KCNIP4: variants seen among roughly 807,000 people sequenced by gnomAD.
KCNIP4 encodes the protein Kv channel-interacting protein 4.
KCNIP4 carries 12 observed loss-of-function variants against 34.0 expected under a neutral mutation model. That is an observed-to-expected ratio of 0.35 (90% CI 0.23 to 0.57). The LOEUF (loss-of-function observed/expected upper bound fraction) is 0.57. Among genes scored for constraint, KCNIP4 ranks in the 20% least tolerant of loss-of-function variants. KCNIP4 has a pLI of 0.83. For synonymous variants in KCNIP4, 124 were observed against 102.2 expected, an observed-to-expected ratio of 1.21 and a Z score of -1.29; for missense variants, 238 against 311.7, an observed-to-expected ratio of 0.76 and a Z score of 1.78.
intron 1 of KCNIP4, among the ~76,000 whole-genome samples, chr4:20,884,307 T>C (rs1404395785): frequency 1.3e-5 from 2 of 152,166 alleles, no homozygotes; most frequent in African/African-American, 4.8e-5. Context: ...TTCCTGCACC[T>C]ATCAGCCCAT....
Position 21,604,737 on chromosome 4 carries a change from G to T in KCNIP4, c.61+343834C>A, listed in dbSNP as rs1003757806. Reference sequence around the variant, plus strand: ...GATGCTATTTGTCTGAAGAAGTTAGGATGAGATTTGATATCCTTTTTTTGG... The same window carrying T: ...GATGCTATTTGTCTGAAGAAGTTAGTATGAGATTTGATATCCTTTTTTTGG... On this transcript the variant is annotated intron_variant, in intron 1 of 8. Coordinates refer to ENST00000382152, the MANE Select transcript of KCNIP4 (RefSeq NM_025221.6). Among the ~76,000 whole-genome samples the T allele has an allele frequency of 2.0e-5, 3 of 152,166 alleles. No individual in the cohort carries two copies. In the East Asian group the frequency reaches 5.8e-4, roughly 29 times the overall value.
chr4:21,400,136 C>T (rs1455885455), intron 1 of KCNIP4, among the ~76,000 whole-genome samples: 1 of 152,172 alleles, frequency 6.6e-6, no homozygotes, highest in Non-Finnish European at 1.5e-5. Context: ...GCCTCTATGT[C>T]AATCATGACC....
intron 1 of KCNIP4, chr4:21,697,253 CAA>C: frequency 7.6e-7 from 1 of 1,318,564 alleles, no homozygotes; most frequent in Non-Finnish European, 9.6e-7. Flanking sequence ...AAAATAATCA[CAA>C]CAAAGAAATA....
At chr4:21,424,785 C>A (rs1725799613) in intron 1 of KCNIP4, among the ~76,000 whole-genome samples, 1 of 152,146 alleles carries the variant, frequency 6.6e-6, no homozygotes, top group Non-Finnish European at 1.5e-5. Context: ...TTATCCATTT[C>A]TCCACTATTA....
chr4:21,096,372 C>T (rs1474382950), intron 1 of KCNIP4, among the ~76,000 whole-genome samples: 1 of 152,150 alleles, frequency 6.6e-6, no homozygotes, highest in Admixed American at 6.6e-5. Flanking sequence ...TCACTTGCAG[C>T]TGTTTACATT....
At chr4:21,863,708 G>A (rs1725246142) in intron 1 of KCNIP4, among the ~76,000 whole-genome samples, 1 of 152,120 alleles carries the variant, frequency 6.6e-6, no homozygotes, top group East Asian at 1.9e-4. Flanking sequence ...AGAAAAAAGG[G>A]AAAAAGAACC....
chr4:21,498,902 C>T (rs1461901995), intron 1 of KCNIP4, among the ~76,000 whole-genome samples: 2 of 152,158 alleles, frequency 1.3e-5, no homozygotes, highest in Non-Finnish European at 2.9e-5. Context: ...AAAAAACCCA[C>T]TAACTCTGAT....
intron 1 of KCNIP4, among the ~76,000 whole-genome samples, chr4:21,229,525 C>A (rs538465183): frequency 1.5e-3 from 221 of 152,230 alleles, no homozygotes; most frequent in African/African-American, 5.1e-3. Flanking sequence ...CTATAATGTG[C>A]TGTTCACATC....
chr4:20,865,055 T>G (rs1722730477), intron 2 of KCNIP4, among the ~76,000 whole-genome samples: 1 of 152,090 alleles, frequency 6.6e-6, no homozygotes, highest in South Asian at 2.1e-4. Flanking sequence ...CATTATCATA[T>G]CTGAGCAATG....
intron 2 of KCNIP4, among the ~76,000 whole-genome samples, chr4:20,870,649 A>C (rs1428725238): frequency 6.6e-6 from 1 of 152,112 alleles, no homozygotes; most frequent in African/African-American, 2.4e-5. Context: ...CAGCTCCCTG[A>C]GGACCTTTTA....
intron 1 of KCNIP4, among the ~76,000 whole-genome samples, chr4:21,647,984 C>G (rs1747161022): frequency 6.7e-6 from 1 of 149,442 alleles, no homozygotes; most frequent in Non-Finnish European, 1.5e-5. Context: ...CGCCATTCTC[C>G]TGCCTCAGCC....
chr4:20,777,775 T>C (rs1166512074), intron 3 of KCNIP4, among the ~76,000 whole-genome samples: 4 of 152,198 alleles, frequency 2.6e-5, no homozygotes, highest in Admixed American at 2.0e-4. Context: ...TTGACGTTCC[T>C]GAGGGATATC....
chr4:21,291,295 T>A (rs1763441432), intron 1 of KCNIP4, among the ~76,000 whole-genome samples: 1 of 150,104 alleles, frequency 6.7e-6, no homozygotes. Flanking sequence ...TCATGGAGTA[T>A]GTGTATGTGT....
intron 1 of KCNIP4, among the ~76,000 whole-genome samples, chr4:21,814,936 T>C (rs182215725): frequency 9.9e-5 from 15 of 152,284 alleles, no homozygotes; most frequent in Admixed American, 7.8e-4. Context: ...CTAACAATCT[T>C]ACCGGGGCAA....
intron 1 of KCNIP4, among the ~76,000 whole-genome samples, chr4:21,112,087 A>G (rs948596195): frequency 6.6e-6 from 1 of 151,724 alleles, no homozygotes; most frequent in Non-Finnish European, 1.5e-5. Context: ...TATATCATCT[A>G]TCTATCTACC....
At chr4:21,528,854 AG>A (rs1736398603) in intron 1 of KCNIP4, among the ~76,000 whole-genome samples, 2 of 149,140 alleles carry the variant, frequency 1.3e-5, no homozygotes, top group African/African-American at 4.9e-5. Flanking sequence ...GAAGGAAGGA[AG>A]GAAGGAAGGA....
At chr4:20,891,972 G>A (rs1725959419) in intron 1 of KCNIP4, among the ~76,000 whole-genome samples, 1 of 152,110 alleles carries the variant, frequency 6.6e-6, no homozygotes, top group Non-Finnish European at 1.5e-5. Context: ...CTAGGCCCCA[G>A]ATAACTTGGG....
intron 1 of KCNIP4, among the ~76,000 whole-genome samples, chr4:21,213,447 G>T (rs1486877542): frequency 2.6e-5 from 4 of 151,728 alleles, no homozygotes; most frequent in Non-Finnish European, 5.9e-5. Context: ...GATTACAGAC[G>T]CACACCACCA....
intron 1 of KCNIP4, among the ~76,000 whole-genome samples, chr4:21,216,829 G>T (rs907144455): frequency 6.6e-6 from 1 of 152,054 alleles, no homozygotes; most frequent in Non-Finnish European, 1.5e-5. Flanking sequence ...ATCCATAAAG[G>T]CTTCATGAAG....
Sources: allele counts gnomAD v4.1 joint callset (sites outside exome capture counted in the v4.1 genomes callset), GRCh38; gene constraint gnomAD v4.1.1; transcripts MANE v1.5; gene names NCBI Gene and HGNC (gene_info 2026-07-23, HGNC 2026-07-21).